The following C1orf146 variants were observed in gnomAD, a reference collection of about 807,000 sequenced individuals.
C1orf146 encodes the protein protein SPO16 homolog.
Under a neutral mutation model 23.0 loss-of-function variants are expected in C1orf146, and 22 were observed. The observed-to-expected ratio is 0.96, with a 90% CI of 0.68 to 1.36. The LOEUF is 1.36. Among genes scored for constraint, C1orf146 ranks in the 40% most tolerant of loss-of-function variants. The pLI, the probability that C1orf146 is intolerant of heterozygous loss-of-function variation, is 0.00. For missense variants in C1orf146, 199 were observed against 206.8 expected (o/e 0.96, Z 0.23); for synonymous variants, 59 against 65.3 (o/e 0.90, Z 0.47).
intron 1 of C1orf146, among the ~76,000 whole-genome samples, chr1:92,221,761 A>G (rs1220172143): frequency 6.6e-6 from 1 of 152,206 alleles, no homozygotes; most frequent in East Asian, 1.9e-4. Flanking sequence ...TTTAGTTTCC[A>G]TAGCAGCAAT....
intron 1 of C1orf146, among the ~76,000 whole-genome samples, chr1:92,226,019 T>C (rs1651957758): frequency 6.6e-6 from 1 of 152,194 alleles, no homozygotes. Flanking sequence ...AATTTTTAAA[T>C]TGAGATATAA....
intron 2 of C1orf146, among the ~76,000 whole-genome samples, chr1:92,232,288 T>A (rs1652146536): frequency 9.2e-6 from 1 of 108,520 alleles, no homozygotes; most frequent in Non-Finnish European, 1.7e-5. Flanking sequence ...GTCCCCAGAG[T>A]GTGATGTTCC....
intron 1 of C1orf146, among the ~76,000 whole-genome samples, chr1:92,229,961 A>T (rs1652070429): frequency 6.6e-6 from 1 of 152,210 alleles, no homozygotes; most frequent in Non-Finnish European, 1.5e-5. Flanking sequence ...TACTAAGTTT[A>T]TGGTAATTTT....
In C1orf146 at chr1:92,245,801, T is replaced by C. The variant is rs1279958508; in HGVS notation, c.*127T>C. The C allele has an allele frequency of 9.6e-5, 60 of 625,052 alleles. No individual in the cohort carries two copies. The highest frequency in any genetic ancestry group is 1.2e-4 in the South Asian group (4 of 32,472). The allele number at this position is 625,052 out of a possible 1,614,324, so 38.7% of individuals were successfully genotyped here. ...TAATAACATATACAATTAAAAGTGA[T>C]TTTATTTTAGGAGTTTCGCTGCAAG... On this transcript the variant is annotated 3_prime_UTR_variant, in exon 6 of 6. Coordinates refer to ENST00000370375, the MANE Select transcript of C1orf146 (RefSeq NM_001012425.2).
chr1:92,226,399 GCACACA>G (rs368243079), intron 1 of C1orf146, among the ~76,000 whole-genome samples: 4 of 146,220 alleles, frequency 2.7e-5, no homozygotes, highest in African/African-American at 7.3e-5. Flanking sequence ...ATGCACGCAT[GCACACA>G]CACACACACA....
chr1:92,233,685 A>G (rs1333522587), intron 2 of C1orf146, among the ~76,000 whole-genome samples: 1 of 152,278 alleles, frequency 6.6e-6, no homozygotes. Flanking sequence ...CATTGAATCT[A>G]TAAATTACCT....
Position 92,244,293 on chromosome 1 carries a change from A to G in C1orf146, c.237A>G (p.Lys79=). 1.2e-6 allele frequency: 2 copies of G among 1,610,990 alleles called. No individual in the cohort carries two copies. The highest frequency in any genetic ancestry group is 8.5e-7 in the Non-Finnish European group (1 of 1,177,572). Residue 79 remains lysine (K), a synonymous_variant, in exon 4 of 6, where the codon AAA becomes AAG. Transcript: ENST00000370375. ...AAATATTTCTAGCCAAAATTGAGAA[A>G]TTTATTAACATTCACCAAAATAGTT... is the stretch of plus-strand genomic sequence containing the variant. ...TEEIFLAKIE[K]FINIHQNSFL...
At chr1:92,234,344 C>A (rs1299443674) in intron 2 of C1orf146, among the ~76,000 whole-genome samples, 1 of 152,144 alleles carries the variant, frequency 6.6e-6, no homozygotes, top group Non-Finnish European at 1.5e-5. Flanking sequence ...TTGTCAAAGA[C>A]CTTTTCTGCA....
chr1:92,236,412 T>C (rs1291733802), intron 2 of C1orf146, among the ~76,000 whole-genome samples: 3 of 152,188 alleles, frequency 2.0e-5, no homozygotes, highest in African/African-American at 7.2e-5. Flanking sequence ...AAAATTCTTT[T>C]CTTTAAGAAT....
chr1:92,222,018 G>A (rs1651828141), intron 1 of C1orf146, among the ~76,000 whole-genome samples: 1 of 152,192 alleles, frequency 6.6e-6, no homozygotes, highest in Admixed American at 6.5e-5. Flanking sequence ...AAGGTGGGCA[G>A]ATCACCTGAG....
At chr1:92,222,672 T>C (rs528701892) in intron 1 of C1orf146, among the ~76,000 whole-genome samples, 321 of 150,930 alleles carry the variant, frequency 2.1e-3, no homozygotes, top group Non-Finnish European at 2.2e-3. Flanking sequence ...CTGCAAGCTC[T>C]GCCTCCCGGG....
intron 2 of C1orf146, among the ~76,000 whole-genome samples, chr1:92,233,987 T>G (rs981752018): frequency 1.3e-5 from 2 of 152,200 alleles, no homozygotes; most frequent in African/African-American, 4.8e-5. Context: ...CTGAAGTTGC[T>G]TATCAGCTTA....
At chr1:92,245,159 C>T (rs557377874) in intron 5 of C1orf146, among the ~76,000 whole-genome samples, 3 of 152,270 alleles carry the variant, frequency 2.0e-5, no homozygotes, top group African/African-American at 7.2e-5. Flanking sequence ...AAGTCATAAA[C>T]GGTCAGAGTG....
intron 2 of C1orf146, among the ~76,000 whole-genome samples, chr1:92,241,766 A>G (rs1652436053): frequency 6.6e-6 from 1 of 152,018 alleles, no homozygotes; most frequent in South Asian, 2.1e-4. Flanking sequence ...CCACCACCCA[A>G]GTTTTTTTTT....
intron 2 of C1orf146, among the ~76,000 whole-genome samples, chr1:92,232,923 G>C (rs1257880909): frequency 6.6e-6 from 1 of 152,150 alleles, no homozygotes; most frequent in African/African-American, 2.4e-5. Flanking sequence ...GGAAGTGTCT[G>C]TTCATGTCCT....
intron 1 of C1orf146, among the ~76,000 whole-genome samples, chr1:92,226,868 G>C (rs1206069638): frequency 1.3e-5 from 2 of 152,096 alleles, no homozygotes; most frequent in Non-Finnish European, 2.9e-5. Context: ...GACTTCTGAA[G>C]TGTTTTTGTT....
intron 1 of C1orf146, among the ~76,000 whole-genome samples, chr1:92,225,461 T>A (rs1413578632): frequency 6.6e-6 from 1 of 152,218 alleles, no homozygotes; most frequent in African/African-American, 2.4e-5. Flanking sequence ...TTAGTTACAT[T>A]TCATAAATTT....
At chr1:92,226,820 A>G (rs905217230) in intron 1 of C1orf146, among the ~76,000 whole-genome samples, 1 of 151,910 alleles carries the variant, frequency 6.6e-6, no homozygotes, top group African/African-American at 2.4e-5. Context: ...TTGTCCCTCA[A>G]GTTATATGTT....
intron 1 of C1orf146, among the ~76,000 whole-genome samples, chr1:92,218,638 T>G (rs943429731): frequency 6.6e-6 from 1 of 152,116 alleles, no homozygotes; most frequent in African/African-American, 2.4e-5. Context: ...CACGGGAGTT[T>G]GTTGTCCAGA....
Sources: gnomAD v4.1 joint callset for allele counts (sites outside exome capture counted in the v4.1 genomes callset) on GRCh38, gnomAD v4.1.1 for gene constraint, MANE v1.5 for transcripts, NCBI Gene and HGNC (gene_info 2026-07-23, HGNC 2026-07-21) for gene names.